ARHGEF10L: variants seen among roughly 807,000 people sequenced by gnomAD.
ARHGEF10L encodes rho guanine nucleotide exchange factor 10-like protein.
A neutral mutation model predicts 141.2 loss-of-function variants in ARHGEF10L; 69 were observed. The ratio of observed to expected loss-of-function variants is 0.49; its 90% CI spans 0.40 to 0.60. ARHGEF10L has a LOEUF of 0.60. ARHGEF10L is among the 20% of genes least tolerant of loss of function. The pLI is 0.00. For missense variants in ARHGEF10L, 1,482 were observed against 1,734.3 expected (o/e 0.85, Z 2.58); for synonymous variants, 711 against 718.5 (o/e 0.99, Z 0.17).
At chr1:17,587,439 C>T in intron 2 of ARHGEF10L, 21 bp from the exon 3 acceptor site, 1 of 1,605,636 alleles carries the variant, frequency 6.2e-7, no homozygotes, top group Non-Finnish European at 8.5e-7. Flanking sequence ...TGCAGCCTGG[C>T]CAACTCCTTC....
rs143102758 is a variant in ARHGEF10L at position 17,599,362 on chromosome 1, C to T, written c.258-2765C>T. On this transcript the variant is annotated intron_variant, in intron 4 of 28. Coordinates refer to ENST00000361221, the MANE Select transcript of ARHGEF10L (RefSeq NM_018125.4). ...AAAAAAAAGAAAAAGAAAAAAAAAA[C>T]GTGCAATTACATGTAAAGCAGAGCA... is the stretch of plus-strand genomic sequence containing the variant. Among the ~76,000 whole-genome samples the T allele has an allele frequency of 8.7e-4, 131 of 150,882 alleles. 3 individuals carry two copies. The East Asian group carries it at 0.017, about 19-fold the overall frequency.
chr1:17,661,683 GC>G (rs1244041748), intron 25 of ARHGEF10L, among the ~76,000 whole-genome samples: 2 of 152,188 alleles, frequency 1.3e-5, no homozygotes, highest in East Asian at 1.9e-4. Flanking sequence ...AGGGGTCCCA[GC>G]CCCCATCTCA....
chr1:17,607,997 C>T lies in ARHGEF10L; in HGVS notation c.609+20C>T, dbSNP rs777769203. On this transcript the variant is annotated intron_variant, in intron 7 of 28. Transcript: ENST00000361221. This position sits in a 1 kb window ranked among gnomAD's most constrained non-coding sequence, Gnocchi z 4.5. ...CCCAAGGTGAGGGGACCGGGGGTGT[C>T]GCTCACCTCAGTCAGGGCACGGAGA... The T allele has an allele frequency of 1.9e-5, 25 of 1,296,330 alleles. No homozygotes were observed. The highest frequency in any genetic ancestry group is 2.2e-4 in the Middle Eastern group (1 of 4,600). The allele number at this position is 1,296,330 out of a possible 1,614,324, so 80.3% of individuals were successfully genotyped here. A position where few individuals can be genotyped will look rare whatever the true frequency, so the allele number is the denominator to read the frequency against.
intron 25 of ARHGEF10L, among the ~76,000 whole-genome samples, chr1:17,657,632 T>A (rs2062356402): frequency 6.6e-6 from 1 of 152,206 alleles, no homozygotes; most frequent in Non-Finnish European, 1.5e-5. Flanking sequence ...TTTTGCCACT[T>A]GGCACTGTGT....
rs138447743 is a variant in ARHGEF10L, at chr1:17,632,577, T to C, written c.1730+111T>C. 175 of 1,413,264 alleles carry C rather than the reference T, an allele frequency of 1.2e-4. 1 individual carries two copies. In the East Asian group the frequency reaches 4.0e-3, roughly 32 times the overall value. The allele number at this position is 1,413,264 out of a possible 1,614,324, so 87.5% of individuals were successfully genotyped here. On this transcript the variant is annotated intron_variant, in intron 16 of 28. Coordinates refer to ENST00000361221, the MANE Select transcript of ARHGEF10L (RefSeq NM_018125.4). ...ACAGTGGGACCCCATGTGAGCTTGG[T>C]TTAGGCTTCCAATATTCCTCTCCCA...
At chr1:17,618,196 G>T (rs1170887565) in intron 9 of ARHGEF10L, 2 of 843,008 alleles carry the variant, frequency 2.4e-6, no homozygotes, top group South Asian at 2.0e-5. Flanking sequence ...AGGCCAGCTG[G>T]CTGGGAACTC....
At chr1:17,687,020 A>G (rs1399445577) in intron 26 of ARHGEF10L, among the ~76,000 whole-genome samples, 2 of 151,956 alleles carry the variant, frequency 1.3e-5, no homozygotes, top group Admixed American at 6.6e-5. Context: ...TGATGTATCA[A>G]TTTTGGGACA....
At chr1:17,675,527 GTGGGTGCAGGTA>G (rs1332091869) in intron 26 of ARHGEF10L, among the ~76,000 whole-genome samples, 3 of 151,656 alleles carry the variant, frequency 2.0e-5, no homozygotes, top group East Asian at 3.9e-4. Context: ...GTGTGCATGT[GTGGGTGCAGGTA>G]TGGGTGCAGG....
At position 17,638,757 on chromosome 1, in the gene ARHGEF10L, G is replaced by A. The variant is rs947864324; in HGVS notation, c.2171+68G>A. ...GGGCTTCCAGTGGAGCAGGGGATCC[G>A]GAGAGGGTACCTGGAGCCCTCTTAT... On this transcript the variant is annotated intron_variant, in intron 20 of 28. Transcript: ENST00000361221. 2.9e-5 allele frequency: 47 copies of A among 1,597,566 alleles called. No individual in the cohort carries two copies. The African/African-American group carries it at 2.9e-4, about 10-fold the overall frequency.
chr1:17,577,567 T>G (rs1432641051), intron 1 of ARHGEF10L, among the ~76,000 whole-genome samples: 1 of 152,206 alleles, frequency 6.6e-6, no homozygotes, highest in East Asian at 1.9e-4. Context: ...ACAGCCTGTG[T>G]GTGCAAAATG....
At chr1:17,614,639 GC>G (rs2059713011) in intron 8 of ARHGEF10L, among the ~76,000 whole-genome samples, 1 of 151,272 alleles carries the variant, frequency 6.6e-6, no homozygotes, top group Non-Finnish European at 1.5e-5. Context: ...GAGCGTCTAT[GC>G]CATCCCTTTC....
the ARHGEF10L span, among the ~76,000 whole-genome samples, chr1:17,514,125 C>CTT: frequency 3.7e-3 from 151 of 40,476 alleles, 5 homozygotes; most frequent in African/African-American, 0.013. Flanking sequence ...CACCCAGCCT[C>CTT]TTTTTTTTTT....
intron 1 of ARHGEF10L, among the ~76,000 whole-genome samples, chr1:17,566,353 AACAGCCCC>A (rs2077755528): frequency 6.6e-6 from 1 of 152,244 alleles, no homozygotes; most frequent in South Asian, 2.1e-4. Context: ...TGGGGGACAC[AACAGCCCC>A]TGGTTGAGAA....
At chr1:17,602,431 C>T (rs528138468) in intron 5 of ARHGEF10L, among the ~76,000 whole-genome samples, 2 of 152,330 alleles carry the variant, frequency 1.3e-5, no homozygotes, top group Admixed American at 6.5e-5. Flanking sequence ...TCCTCAAATA[C>T]TTACGAAGTT....
chr1:17,645,922 C>T (rs781656562), intron 21 of ARHGEF10L, among the ~76,000 whole-genome samples: 5 of 152,222 alleles, frequency 3.3e-5, no homozygotes, highest in Admixed American at 6.5e-5. Flanking sequence ...GTTATGGCAA[C>T]GCGCGTGCCC....
At chr1:17,633,135 C>T (rs1413165756) in intron 16 of ARHGEF10L, among the ~76,000 whole-genome samples, 3 of 152,202 alleles carry the variant, frequency 2.0e-5, no homozygotes, top group Non-Finnish European at 4.4e-5. Flanking sequence ...CATTCTGGGG[C>T]CTGGCTGCCT....
chr1:17,598,772 TC>T (rs2080356177), intron 4 of ARHGEF10L, among the ~76,000 whole-genome samples: 1 of 149,598 alleles, frequency 6.7e-6, no homozygotes, highest in African/African-American at 2.5e-5. Flanking sequence ...TCTCTCTCTC[TC>T]TTTTTTTTTT....
In ARHGEF10L at chr1:17,673,817, A is replaced by T. The variant is rs1487047075; in HGVS notation, c.3009+9222A>T. Among the ~76,000 whole-genome samples the T allele has an allele frequency of 6.6e-6, 1 of 152,180 alleles. No homozygotes were observed. The highest frequency in any genetic ancestry group is 2.4e-5 in the African/African-American group (1 of 41,440). On this transcript the variant is annotated intron_variant, in intron 26 of 28. Transcript: ENST00000361221. The surrounding 1 kb of genome is among the most constrained non-coding windows in gnomAD (Gnocchi z 4.1). ...TATAGAACCTGCCCCAGGACTAAGCAGCTCCGTGTACATGCAGGTCCCAGG... is the reference window on the plus strand; with the variant it reads ...TATAGAACCTGCCCCAGGACTAAGCTGCTCCGTGTACATGCAGGTCCCAGG...
intron 26 of ARHGEF10L, among the ~76,000 whole-genome samples, chr1:17,674,978 C>T (rs550457698): frequency 2.5e-4 from 38 of 152,194 alleles, no homozygotes; most frequent in Admixed American, 5.2e-4. Flanking sequence ...TTTCTCAGAA[C>T]GGCATTATTC....
Sources: allele counts gnomAD v4.1 joint callset (sites outside exome capture counted in the v4.1 genomes callset), GRCh38; gene constraint gnomAD v4.1.1; non-coding constraint Gnocchi (gnomAD v3.1); transcripts MANE v1.5; gene names NCBI Gene and HGNC (gene_info 2026-07-23, HGNC 2026-07-21).